Variants in RAPGEF6 observed in about 807,000 individuals in gnomAD.
RAPGEF6 encodes the protein Rap guanine nucleotide exchange factor 6.
Under a neutral mutation model 171.4 loss-of-function variants are expected in RAPGEF6, and 56 were observed. The ratio of observed to expected loss-of-function variants is 0.33; its 90% CI spans 0.26 to 0.41. The LOEUF is 0.41. Among genes scored for constraint, RAPGEF6 ranks in the 10% least tolerant of loss-of-function variants. The probability of loss-of-function intolerance (pLI) is 1.00; values close to 1 mark genes in which losing one functional copy is unlikely to be tolerated. For synonymous variants in RAPGEF6, 692 were observed against 650.1 expected, an observed-to-expected ratio of 1.06 and a Z score of -0.98; for missense variants, 1,674 against 1,921.4, an observed-to-expected ratio of 0.87 and a Z score of 2.41.
At chr5:131,564,780 G>T (rs963040664) in intron 4 of RAPGEF6, among the ~76,000 whole-genome samples, 1 of 152,134 alleles carries the variant, frequency 6.6e-6, no homozygotes, top group African/African-American at 2.4e-5. Context: ...AGAAAGTAAC[G>T]ATAAATACGA....
At chr5:131,632,630 C>A (rs1480492274) in intron 1 of RAPGEF6, among the ~76,000 whole-genome samples, 2 of 152,192 alleles carry the variant, frequency 1.3e-5, no homozygotes, top group South Asian at 4.1e-4. Context: ...CAACATAGTG[C>A]ACAGACTAGT....
chr5:131,609,427 A>G (rs1020473877), intron 1 of RAPGEF6, among the ~76,000 whole-genome samples: 1 of 152,202 alleles, frequency 6.6e-6, no homozygotes, highest in African/African-American at 2.4e-5. Context: ...CAAAGTGTAT[A>G]AAGTTTTCTG....
chr5:131,484,575 A>G (rs1011990219), intron 15 of RAPGEF6, among the ~76,000 whole-genome samples: 1 of 152,088 alleles, frequency 6.6e-6, no homozygotes, highest in African/African-American at 2.4e-5. Flanking sequence ...AGAAAGTAAA[A>G]CCCTGCAGTG....
intron 19 of RAPGEF6, among the ~76,000 whole-genome samples, chr5:131,460,692 C>A (rs1753860272): frequency 6.6e-6 from 1 of 152,140 alleles, no homozygotes; most frequent in African/African-American, 2.4e-5. Flanking sequence ...AATACAGGTG[C>A]AGCTGATTCT....
rs186164255 is a variant in RAPGEF6 at position 131,432,390 on chromosome 5, G to A, written c.3974+1040C>T. Among the ~76,000 whole-genome samples, 882 of 152,122 alleles carry A rather than the reference G, an allele frequency of 5.8e-3. 9 individuals carry two copies. Among genetic ancestry groups the A allele is most frequent in the African/African-American group, 0.021 (852 of 41,510 alleles). ...TCCCAGCACTTTGGGAGGCCGAGGCGGGCGGATCACGAGGTCAGGAGATCG... is the reference window on the plus strand; with the variant it reads ...TCCCAGCACTTTGGGAGGCCGAGGCAGGCGGATCACGAGGTCAGGAGATCG... On this transcript the variant is annotated intron_variant, in intron 25 of 27. Transcript: ENST00000509018.
intron 19 of RAPGEF6, among the ~76,000 whole-genome samples, chr5:131,459,193 T>C (rs1753730550): frequency 6.6e-6 from 1 of 152,204 alleles, no homozygotes; most frequent in Non-Finnish European, 1.5e-5. Flanking sequence ...CAGTACATAA[T>C]AGATGGCATT....
intron 1 of RAPGEF6, among the ~76,000 whole-genome samples, chr5:131,620,018 C>T (rs1360961287): frequency 1.3e-5 from 2 of 152,184 alleles, no homozygotes; most frequent in Non-Finnish European, 2.9e-5. Context: ...CAACAGGCAT[C>T]CAATAACCAC....
At chr5:131,593,752 G>C (rs76956656) in intron 3 of RAPGEF6, among the ~76,000 whole-genome samples, 4,061 of 152,286 alleles carry the variant, frequency 0.027, 194 homozygotes, top group African/African-American at 0.092. Flanking sequence ...TAGAACTTGA[G>C]ACATGATTTA....
At chr5:131,534,227 G>A (rs1759601858) in intron 6 of RAPGEF6, among the ~76,000 whole-genome samples, 1 of 152,052 alleles carries the variant, frequency 6.6e-6, no homozygotes, top group Admixed American at 6.6e-5. Flanking sequence ...GGACTCCACT[G>A]ACTGCAGAAG....
chr5:131,534,402 T>C (rs1759613576), intron 6 of RAPGEF6, among the ~76,000 whole-genome samples: 1 of 152,208 alleles, frequency 6.6e-6, no homozygotes, highest in African/African-American at 2.4e-5. Context: ...AGACAAGTTA[T>C]GCTTTCAAAA....
chr5:131,484,614 A>C (rs1301307445), intron 15 of RAPGEF6, among the ~76,000 whole-genome samples: 2 of 152,188 alleles, frequency 1.3e-5, no homozygotes, highest in African/African-American at 4.8e-5. Context: ...ACTTTGAGAA[A>C]TGTATCATAT....
chr5:131,475,141 TA>T (rs1368407511), intron 16 of RAPGEF6, among the ~76,000 whole-genome samples: 1 of 152,226 alleles, frequency 6.6e-6, no homozygotes, highest in Non-Finnish European at 1.5e-5. Context: ...TCGTAGTAAT[TA>T]AAGTGTGAGG....
At chr5:131,450,078 G>T (rs1386308571) in intron 21 of RAPGEF6, 1 of 1,533,268 alleles carries the variant, frequency 6.5e-7, no homozygotes, top group Non-Finnish European at 8.8e-7. Context: ...ATTGAAGCAT[G>T]TGTTTGAATA....
chr5:131,429,112 G>A lies in RAPGEF6; in HGVS notation c.4570C>T (p.His1524Tyr). 6.2e-7 allele frequency: 1 copy of A among 1,614,124 alleles called. No homozygotes were observed. The highest frequency in any genetic ancestry group is 8.5e-7 in the Non-Finnish European group (1 of 1,180,010). ...TAATCTGGAGGTTTTAGGTGTGTGT[G>A]GGGTCCTTCCTTTAGGTCCGCTAAA... ...ISLADLKEGPHTHLKPPDYSV... is the reference protein window; with the variant it reads ...ISLADLKEGPYTHLKPPDYSV... Residue 1524 changes from histidine (H) to tyrosine (Y), a missense_variant, in exon 27 of 28, where the codon CAC becomes TAC. Physicochemically the swap from His to Tyr is moderately conservative, Grantham distance 83 (BLOSUM62 2). This residue lies in a region of RAPGEF6 where 552 missense variants were observed against 574.2 expected (regional missense o/e 0.96). Transcript: ENST00000509018.
chr5:131,432,840 G>A (rs1027650260), intron 25 of RAPGEF6, among the ~76,000 whole-genome samples: 3 of 151,868 alleles, frequency 2.0e-5, no homozygotes, highest in African/African-American at 7.3e-5. Context: ...TTATAAATGT[G>A]GTAATAATTT....
At chr5:131,505,747 C>A (rs1470497122) in intron 9 of RAPGEF6, among the ~76,000 whole-genome samples, 1 of 152,168 alleles carries the variant, frequency 6.6e-6, no homozygotes, top group African/African-American at 2.4e-5. Context: ...ACTGTCATAA[C>A]TGACCAGATT....
rs959017434 is a variant in RAPGEF6 at position 131,611,524 on chromosome 5, T to C, written c.70-6831A>G. Among the ~76,000 whole-genome samples, 9 of 151,928 alleles carry C rather than the reference T, an allele frequency of 5.9e-5. No homozygotes were observed. The South Asian group carries it at 6.2e-4, about 11-fold the overall frequency. ...CCGTCTCTACTAAAAATACAAAAAT[T>C]AGCTATGTGTGGTGGTGCATGCCTA... is the stretch of plus-strand genomic sequence containing the variant. On this transcript the variant is annotated intron_variant, in intron 1 of 27. Transcript: ENST00000509018.
intron 8 of RAPGEF6, among the ~76,000 whole-genome samples, chr5:131,509,257 C>T (rs912525008): frequency 6.6e-6 from 1 of 152,016 alleles, no homozygotes; most frequent in South Asian, 2.1e-4. Context: ...TTTAAGAGTA[C>T]ACATGGTCAG....
chr5:131,495,532 A>G, intron 13 of RAPGEF6, 21 bp downstream of exon 13: 1 of 1,596,672 alleles, frequency 6.3e-7, no homozygotes. Flanking sequence ...TCTGAAGAAT[A>G]GAAATTATTT....
Sources: gnomAD v4.1 joint callset for allele counts (sites outside exome capture counted in the v4.1 genomes callset) on GRCh38, gnomAD v4.1.1 for gene constraint, gnomAD v4.1.1 regional missense constraint, MANE v1.5 for transcripts, NCBI Gene and HGNC (gene_info 2026-07-23, HGNC 2026-07-21) for gene names.